The following LDLRAD3 variants were observed in gnomAD, a reference collection of about 807,000 sequenced individuals.
LDLRAD3 encodes low-density lipoprotein receptor class A domain-containing protein 3.
In LDLRAD3, 20 loss-of-function variants were observed where a neutral mutation model predicts 29.4. That is an observed-to-expected ratio of 0.68 (90% CI 0.48 to 0.99). The LOEUF (loss-of-function observed/expected upper bound fraction) is 0.99, where lower values mean the gene tolerates loss of function less well. LDLRAD3 is among the 50% of genes least tolerant of loss of function. LDLRAD3 has a pLI of 0.00. For missense variants in LDLRAD3, 420 were observed against 454.3 expected, an observed-to-expected ratio of 0.92 and a Z score of 0.69; for synonymous variants, 157 against 192.7, an observed-to-expected ratio of 0.81 and a Z score of 1.53.
At chr11:35,993,076 G>A (rs1019188592) in intron 1 of LDLRAD3, among the ~76,000 whole-genome samples, 1 of 151,920 alleles carries the variant, frequency 6.6e-6, no homozygotes, top group African/African-American at 2.4e-5. Flanking sequence ...TTAAAAAATG[G>A]CGTCCCAGTG....
chr11:36,169,243 G>A lies in LDLRAD3; in HGVS notation c.455-57842G>A, dbSNP rs555835268. Among the ~76,000 whole-genome samples, 11 of 152,260 alleles carry A rather than the reference G, an allele frequency of 7.2e-5. No individual in the cohort carries two copies. The South Asian group carries it at 2.3e-3, about 32-fold the overall frequency. The stretch of plus-strand genomic sequence containing the variant: ...CATACAATGCATAATGATCAAACCA[G>A]GGTAATTGGGATATCCACCACCTCA... On this transcript the variant is annotated intron_variant, in intron 4 of 5. Transcript: ENST00000315571.
chr11:36,148,413 G>A (rs1854229151), intron 4 of LDLRAD3, among the ~76,000 whole-genome samples: 1 of 152,140 alleles, frequency 6.6e-6, no homozygotes, highest in African/African-American at 2.4e-5. Flanking sequence ...GGGCATCTCG[G>A]TTCATTTGGT....
intron 2 of LDLRAD3, among the ~76,000 whole-genome samples, chr11:36,059,262 G>A (rs1161268321): frequency 6.6e-6 from 1 of 151,944 alleles, no homozygotes; most frequent in African/African-American, 2.4e-5. Context: ...TACTCAGGAG[G>A]CTGGGGCACA....
At chr11:36,017,919 C>G (rs1408138140) in intron 1 of LDLRAD3, among the ~76,000 whole-genome samples, 3 of 152,186 alleles carry the variant, frequency 2.0e-5, no homozygotes, top group Non-Finnish European at 4.4e-5. Context: ...TACTGTGTAG[C>G]TGTTCTGGGT....
At chr11:36,136,261 C>G (rs1218008037) in intron 4 of LDLRAD3, among the ~76,000 whole-genome samples, 1 of 152,164 alleles carries the variant, frequency 6.6e-6, no homozygotes, top group Non-Finnish European at 1.5e-5. Flanking sequence ...TATACACTGT[C>G]TTAGGTAGAC....
chr11:35,992,783 G>T (rs1237327446), intron 1 of LDLRAD3, among the ~76,000 whole-genome samples: 1 of 152,086 alleles, frequency 6.6e-6, no homozygotes, highest in East Asian at 1.9e-4. Context: ...TTGTGGTGAT[G>T]GTTGCACAAC....
At chr11:35,948,997 A>AGCATCATTACTGT (rs144338485) in intron 1 of LDLRAD3, among the ~76,000 whole-genome samples, 53 of 150,764 alleles carry the variant, frequency 3.5e-4, no homozygotes, top group African/African-American at 8.9e-4. Flanking sequence ...ATGCATCTTG[A>AGCATCATTACTGT]GCATCATTAC....
At position 36,061,151 on chromosome 11, in the gene LDLRAD3, T is replaced by C. The variant is rs565884387; in HGVS notation, c.194-20502T>C. On this transcript the variant is annotated intron_variant, in intron 2 of 5. Transcript: ENST00000315571. ...GTAAAGATGAGGAAATCTTTTTTTT[T>C]CCCCTGAGACAGAGTCTCGCTCTGT... Among the ~76,000 whole-genome samples the C allele has an allele frequency of 5.3e-5, 8 of 152,222 alleles. No individual in the cohort carries two copies. In the East Asian group the frequency reaches 7.7e-4, roughly 15 times the overall value.
intron 4 of LDLRAD3, among the ~76,000 whole-genome samples, chr11:36,178,898 G>A (rs1271897213): frequency 2.6e-5 from 4 of 152,088 alleles, no homozygotes; most frequent in Non-Finnish European, 5.9e-5. Flanking sequence ...ACCTTGATTT[G>A]TCCACCAATT....
At chr11:36,047,599 G>C (rs763126885) in intron 2 of LDLRAD3, among the ~76,000 whole-genome samples, 1 of 152,150 alleles carries the variant, frequency 6.6e-6, no homozygotes, top group Non-Finnish European at 1.5e-5. Context: ...ACAGATAAAT[G>C]CACCATGTGT....
chr11:36,221,591 A>G (rs1855429993), intron 4 of LDLRAD3, among the ~76,000 whole-genome samples: 1 of 152,128 alleles, frequency 6.6e-6, no homozygotes, highest in Non-Finnish European at 1.5e-5. Flanking sequence ...GCTTGAGCCT[A>G]AGAGTTCAAG....
At chr11:36,200,778 G>A (rs1042384807) in intron 4 of LDLRAD3, among the ~76,000 whole-genome samples, 3 of 152,182 alleles carry the variant, frequency 2.0e-5, no homozygotes, top group Non-Finnish European at 4.4e-5. Flanking sequence ...TGCAGTAAGT[G>A]TTCTTCTATC....
intron 4 of LDLRAD3, among the ~76,000 whole-genome samples, chr11:36,157,137 G>C (rs1854365442): frequency 6.6e-6 from 1 of 152,184 alleles, no homozygotes; most frequent in African/African-American, 2.4e-5. Flanking sequence ...GGAAAGAGAG[G>C]ACCCCATTCA....
chr11:36,123,730 C>T (rs1201114165), intron 4 of LDLRAD3, among the ~76,000 whole-genome samples: 1 of 152,226 alleles, frequency 6.6e-6, no homozygotes, highest in Non-Finnish European at 1.5e-5. Flanking sequence ...GGCAGATGTC[C>T]TGTTTTCCAG....
At chr11:35,980,109 C>T (rs953125930) in intron 1 of LDLRAD3, among the ~76,000 whole-genome samples, 1 of 152,188 alleles carries the variant, frequency 6.6e-6, no homozygotes, top group Non-Finnish European at 1.5e-5. Flanking sequence ...TAGTAGCTCT[C>T]TAATGAGTTC....
chr11:36,050,317 G>A (rs1215582562), intron 2 of LDLRAD3, among the ~76,000 whole-genome samples: 7 of 152,230 alleles, frequency 4.6e-5, no homozygotes, highest in Non-Finnish European at 7.3e-5. Flanking sequence ...TCTGCTGCAT[G>A]TCTGTAGACC....
intron 4 of LDLRAD3, among the ~76,000 whole-genome samples, chr11:36,214,407 T>C (rs929869219): frequency 7.2e-5 from 11 of 152,112 alleles, no homozygotes; most frequent in African/African-American, 2.7e-4. Context: ...GTCCTGCGAG[T>C]TGGTGGATCT....
At chr11:36,051,949 A>T (rs1852534922) in intron 2 of LDLRAD3, among the ~76,000 whole-genome samples, 1 of 152,038 alleles carries the variant, frequency 6.6e-6, no homozygotes, top group Non-Finnish European at 1.5e-5. Flanking sequence ...AGATTTGGGG[A>T]TGACTGAAAA....
chr11:35,963,431 G>GT (rs1421294637), intron 1 of LDLRAD3, among the ~76,000 whole-genome samples: 13 of 126,872 alleles, frequency 1.0e-4, no homozygotes, highest in East Asian at 3.1e-4. Context: ...GTGTGTGTGT[G>GT]TGTTTTTTTT....
Sources: allele counts gnomAD v4.1 joint callset (sites outside exome capture counted in the v4.1 genomes callset), GRCh38; gene constraint gnomAD v4.1.1; transcripts MANE v1.5; gene names NCBI Gene and HGNC (gene_info 2026-07-23, HGNC 2026-07-21).